RFFL: variants seen among roughly 807,000 people sequenced by gnomAD.
RFFL encodes E3 ubiquitin-protein ligase rififylin.
RFFL carries 16 observed loss-of-function variants against 40.4 expected under a neutral mutation model. That is an observed-to-expected ratio of 0.40 (90% confidence interval 0.27 to 0.60). The LOEUF (loss-of-function observed/expected upper bound fraction) is 0.60, where lower values mean the gene tolerates loss of function less well. Among genes scored for constraint, RFFL ranks in the 20% least tolerant of loss-of-function variants. The pLI is 0.47. For synonymous variants in RFFL, 154 were observed against 167.9 expected (o/e 0.92, Z 0.64); for missense variants, 367 against 451.7 (o/e 0.81, Z 1.70).
chr17:35,027,831 G>A (rs982545934), intron 1 of RFFL, among the ~76,000 whole-genome samples: 2 of 150,386 alleles, frequency 1.3e-5, no homozygotes, highest in East Asian at 2.0e-4. Context: ...TCAGGAGTTC[G>A]ACAGCAGCCT....
chr17:35,024,752 C>T (rs550832436), intron 2 of RFFL, among the ~76,000 whole-genome samples: 86 of 152,304 alleles, frequency 5.6e-4, no homozygotes, highest in South Asian at 3.1e-3. Flanking sequence ...TAGAAAAAGA[C>T]ATTTTGAAAG....
chr17:35,066,888 TA>T (rs1464801984), upstream of RFFL, among the ~76,000 whole-genome samples: 1 of 151,798 alleles, frequency 6.6e-6, no homozygotes, highest in African/African-American at 2.4e-5. Flanking sequence ...TTTTTTTAAC[TA>T]TAGAACATAG....
At chr17:35,026,633 G>GC (rs2091042967) in intron 1 of RFFL, 72 bp from the exon 2 acceptor site, 1 of 1,235,014 alleles carries the variant, frequency 8.1e-7, no homozygotes, top group African/African-American at 1.5e-5. Context: ...ATGTCCGAGA[G>GC]CACAGGTGAG....
intron 1 of RFFL, among the ~76,000 whole-genome samples, chr17:35,062,107 T>TA (rs1334780617): frequency 6.6e-6 from 1 of 151,164 alleles, no homozygotes; most frequent in African/African-American, 2.4e-5. Flanking sequence ...GATGTGAGCA[T>TA]AAAAAGAATG....
chr17:35,025,197 T>C (rs2091033772), intron 2 of RFFL: 1 of 152,218 alleles, frequency 6.6e-6, no homozygotes, highest in South Asian at 2.1e-4. Flanking sequence ...TTTTAATCAT[T>C]GCCATGCTTT....
chr17:35,042,175 C>G (rs530910927), intron 1 of RFFL: 2 of 152,216 alleles, frequency 1.3e-5, no homozygotes, highest in East Asian at 3.9e-4. Context: ...TGATTTATAC[C>G]AACAGCATAA....
At chr17:35,044,492 C>T (rs2091185660) in intron 1 of RFFL, among the ~76,000 whole-genome samples, 1 of 152,212 alleles carries the variant, frequency 6.6e-6, no homozygotes, top group African/African-American at 2.4e-5. Context: ...TGACAGGTGC[C>T]TGTAATCCCA....
upstream of RFFL, among the ~76,000 whole-genome samples, chr17:35,067,845 GAA>G (rs1460039517): frequency 6.6e-6 from 1 of 152,044 alleles, no homozygotes; most frequent in Non-Finnish European, 1.5e-5. Flanking sequence ...AGAGTAAAAT[GAA>G]AAAAAGTTTT....
At chr17:35,084,178 G>A (rs2091417571) in intron 1 of RFFL, among the ~76,000 whole-genome samples, 1 of 152,254 alleles carries the variant, frequency 6.6e-6, no homozygotes, top group African/African-American at 2.4e-5. Context: ...GGCAGAGGTT[G>A]CGGTGAGCCG....
chr17:35,063,925 C>T (rs2091308164), upstream of RFFL: 1 of 152,168 alleles, frequency 6.6e-6, no homozygotes. Context: ...ACCTCATTCC[C>T]CCACTACTGG....
At chr17:35,075,207 A>G (rs368819735) in intron 1 of RFFL, among the ~76,000 whole-genome samples, 9 of 152,342 alleles carry the variant, frequency 5.9e-5, no homozygotes, top group East Asian at 1.9e-4. Context: ...ACAGTCATCA[A>G]GGAGGAAAGA....
intron 1 of RFFL, chr17:35,088,640 C>CA (rs1443892674): frequency 1.3e-5 from 2 of 152,566 alleles, no homozygotes; most frequent in Non-Finnish European, 2.9e-5. Flanking sequence ...ACTTCTCCAT[C>CA]AAACCTCCAA....
upstream of RFFL, among the ~76,000 whole-genome samples, chr17:35,065,620 C>T (rs192259453): frequency 1.5e-3 from 223 of 149,814 alleles, no homozygotes; most frequent in Middle Eastern, 7.0e-3. Context: ...GAGACAGATA[C>T]GAACTATATA....
intron 2 of RFFL, among the ~76,000 whole-genome samples, chr17:35,022,820 G>A (rs965388066): frequency 4.6e-5 from 7 of 152,230 alleles, no homozygotes; most frequent in South Asian, 2.1e-4. Context: ...AGACAGCAAC[G>A]GGAGGCTGTC....
In RFFL at chr17:35,016,546, C is replaced by A. The variant is rs756154458; in HGVS notation, c.710G>T (p.Arg237Leu). 1 of 1,614,006 alleles carries A rather than the reference C, an allele frequency of 6.2e-7. No homozygotes were observed. Among genetic ancestry groups the A allele is most frequent in the African/African-American group, 1.3e-5 (1 of 74,916 alleles). ...AGTCAGGTCAGACAGAGAGGCCCTT[C>A]GGCCTGGGACAAAGCTGTCCTCTGA... ...IDSEDSFVPG[R>L]RASLSDLTDL... The change falls in exon 5 of 7, where the codon CGA becomes CTA. Residue 237 changes from arginine (R) to leucine (L), a missense_variant. Arg to Leu is a moderately radical substitution (Grantham distance 102). Coordinates refer to ENST00000394597, the MANE Select transcript of RFFL (RefSeq NM_001017368.2).
chr17:35,056,099 A>G (rs542633857), intron 1 of RFFL, among the ~76,000 whole-genome samples: 10 of 152,110 alleles, frequency 6.6e-5, no homozygotes, highest in African/African-American at 2.4e-4. Context: ...CTGCAGCCCA[A>G]CAAATAAACC....
At chr17:35,069,250 C>G in intron 1 of RFFL, 1 of 456,722 alleles carries the variant, frequency 2.2e-6, no homozygotes, top group South Asian at 1.5e-5. Flanking sequence ...ACTTCCTAAA[C>G]GTCTACCCTG....
rs1224598109 is a variant in RFFL at position 35,010,511 on chromosome 17, T to G, written c.*1457A>C. 6.6e-6 allele frequency: 1 copy of G among 152,230 alleles called. No homozygotes were observed. The highest frequency in any genetic ancestry group is 1.5e-5 in the Non-Finnish European group (1 of 68,108). The allele number at this position is 152,230 out of a possible 1,614,324, so 9.4% of individuals were successfully genotyped here. ...GCTCACGCCTGTAATCCCAGCACTTTGGGAAGCTGAGGCGGGCGGATCATA... is the reference window on the plus strand; with the variant it reads ...GCTCACGCCTGTAATCCCAGCACTTGGGGAAGCTGAGGCGGGCGGATCATA... On this transcript the variant is annotated 3_prime_UTR_variant, in exon 7 of 7. Transcript: ENST00000394597.
intron 1 of RFFL, among the ~76,000 whole-genome samples, chr17:35,071,355 C>T (rs2091349645): frequency 6.6e-6 from 1 of 151,794 alleles, no homozygotes; most frequent in African/African-American, 2.4e-5. Context: ...CGGTGGCTCA[C>T]CCCTGTCATG....
Sources: allele counts gnomAD v4.1 joint callset (sites outside exome capture counted in the v4.1 genomes callset), GRCh38; gene constraint gnomAD v4.1.1; transcripts MANE v1.5; gene names NCBI Gene and HGNC (gene_info 2026-07-23, HGNC 2026-07-21).